Variants in MICAL2 observed in about 807,000 individuals in gnomAD.
The protein encoded by MICAL2 is [F-actin]-monooxygenase MICAL2.
In MICAL2, 77 loss-of-function variants were observed where a neutral mutation model predicts 127.3. That is an observed-to-expected ratio of 0.60 (90% CI 0.50 to 0.73). The LOEUF is 0.73. MICAL2 is among the 30% of genes least tolerant of loss of function. MICAL2 has a pLI of 0.00. For synonymous variants in MICAL2, 570 were observed against 551.1 expected, an observed-to-expected ratio of 1.03 and a Z score of -0.48; for missense variants, 1,351 against 1,434.4, an observed-to-expected ratio of 0.94 and a Z score of 0.94.
At chr11:12,165,691 T>C (rs892669595) in intron 3 of MICAL2, among the ~76,000 whole-genome samples, 2 of 152,252 alleles carry the variant, frequency 1.3e-5, no homozygotes, top group African/African-American at 4.8e-5. Flanking sequence ...ACCATGCTCC[T>C]GCCTCCGTGC....
chr11:12,180,349 A>ATATATATATTTTT (rs11403732), intron 3 of MICAL2, among the ~76,000 whole-genome samples: 10 of 139,712 alleles, frequency 7.2e-5, no homozygotes, highest in African/African-American at 2.7e-4. Context: ...ATATGTATAT[A>ATATATATATTTTT]TTTTTTTTTT....
intron 3 of MICAL2, among the ~76,000 whole-genome samples, chr11:12,185,174 T>G (rs1435001434): frequency 2.2e-4 from 3 of 13,732 alleles, no homozygotes; most frequent in Admixed American, 9.0e-4. Context: ...AATGGGTGGG[T>G]GGCTGGATGG....
At chr11:12,180,351 T>TATATATATATATATATATATATATA (rs1565108124) in intron 3 of MICAL2, among the ~76,000 whole-genome samples, 1 of 92,680 alleles carries the variant, frequency 1.1e-5, no homozygotes, top group African/African-American at 4.8e-5. Flanking sequence ...ATGTATATAT[T>TATATATATATATATATATATATATA]TTTTTTTTGG....
chr11:12,133,968 G>A (rs958853279), intron 1 of MICAL2, among the ~76,000 whole-genome samples: 3 of 152,248 alleles, frequency 2.0e-5, no homozygotes, highest in African/African-American at 7.2e-5. Context: ...GGCTGTGTGA[G>A]GAAAAGACCC....
chr11:12,222,632 G>T lies in MICAL2; in HGVS notation c.1338G>T (p.Arg446=). 8 of 1,614,210 alleles carry T rather than the reference G, an allele frequency of 5.0e-6. No individual in the cohort carries two copies. The highest frequency in any genetic ancestry group is 6.8e-6 in the Non-Finnish European group (8 of 1,180,050). Reference sequence around the variant, plus strand: ...CTCCCTCCAGGGAAAGTCTCTACCGGCTGTTACCTCAGACAACCCCGGAGA... The same window carrying T: ...CTCCCTCCAGGGAAAGTCTCTACCGTCTGTTACCTCAGACAACCCCGGAGA... ...ELLAERESLY[R]LLPQTTPENI... The change falls in exon 11 of 28, where the codon CGG becomes CGT. Residue 446 remains arginine (R), a synonymous_variant. Transcript: ENST00000683283.
chr11:12,284,753 G>A (rs1307111695), intron 2 of MICAL2, among the ~76,000 whole-genome samples: 1 of 152,156 alleles, frequency 6.6e-6, no homozygotes. Flanking sequence ...CAATTGGGGG[G>A]TGGGCTATTC....
downstream of MICAL2, chr11:12,294,439 T>TA (rs776744462): frequency 1.2e-6 from 2 of 1,614,200 alleles, no homozygotes; most frequent in South Asian, 2.2e-5. Context: ...CCTCAGCCTT[T>TA]AGCCCTCCTG....
chr11:12,262,482 C>T lies in MICAL2; in HGVS notation c.3337C>T (p.His1113Tyr). ...CAATCTTACGCCATGGCCATCAGTT[C>T]ATTTCAGCCTTCCAGTGCTACACCC... ...IGTLEGSPPVHFSLPVLHPLL... is the reference protein window; with the variant it reads ...IGTLEGSPPVYFSLPVLHPLL... Residue 1113 changes from histidine (H) to tyrosine (Y), a missense_variant and splice_region_variant, in exon 27 of 28, where the codon CAT becomes TAT. His to Tyr is a moderately conservative substitution (Grantham distance 83). This residue lies in a region of MICAL2 where 752 missense variants were observed against 719.4 expected (regional missense o/e 1.05). Coordinates refer to ENST00000683283, the MANE Select transcript of MICAL2 (RefSeq NM_001282663.2). The T allele has an allele frequency of 6.2e-7, 1 of 1,613,912 alleles. No homozygotes were observed. The highest frequency in any genetic ancestry group is 8.5e-7 in the Non-Finnish European group (1 of 1,180,012).
At chr11:12,204,222 G>T (rs1329200757) in intron 3 of MICAL2, 28 bp from the exon 4 acceptor site, 2 of 1,606,324 alleles carry the variant, frequency 1.2e-6, no homozygotes, top group Non-Finnish European at 1.7e-6. Flanking sequence ...AGGTTACCAA[G>T]AGTCTCTCTC....
chr11:12,313,727 T>C lies in MICAL2; in HGVS notation c.5213-5969T>C, dbSNP rs561625233. 2.1e-4 allele frequency among the ~76,000 whole-genome samples: 32 copies of C among 152,210 alleles called. No homozygotes were observed. In the South Asian group the frequency reaches 6.6e-3, roughly 32 times the overall value. ...TCCTTGCTGATTTTTTTTTATTTTG[T>C]CTGGTTTTTCTGTCACTTGCTAAGA... is the stretch of plus-strand genomic sequence containing the variant. On this transcript the variant is annotated intron_variant, in intron 29 of 34. Coordinates refer to the MICAL2 transcript ENST00000646065.
At chr11:12,162,528 T>C in intron 3 of MICAL2, 109 bp downstream of exon 3, 1 of 1,321,460 alleles carries the variant, frequency 7.6e-7, no homozygotes, top group South Asian at 1.5e-5. Flanking sequence ...GGTGTGGGTG[T>C]GAATGTTGCA....
At chr11:12,115,146 G>A (rs1849902278) in intron 1 of MICAL2, among the ~76,000 whole-genome samples, 2 of 152,204 alleles carry the variant, frequency 1.3e-5, no homozygotes, top group Non-Finnish European at 2.9e-5. Context: ...TCCACAACTG[G>A]GGCAGGTCGT....
intron 32 of MICAL2, among the ~76,000 whole-genome samples, chr11:12,336,968 A>G (rs1938775303): frequency 6.6e-6 from 1 of 152,192 alleles, no homozygotes; most frequent in East Asian, 1.9e-4. Flanking sequence ...CTGGCCTCAT[A>G]AAATGAGTTA....
upstream of MICAL2, among the ~76,000 whole-genome samples, chr11:12,272,893 T>A: frequency 6.6e-6 from 1 of 152,164 alleles, no homozygotes; most frequent in African/African-American, 2.4e-5. Flanking sequence ...AAGCCTCTGC[T>A]CACGTCCCAT....
At chr11:12,186,360 T>G (rs1021096378) in intron 3 of MICAL2, among the ~76,000 whole-genome samples, 4 of 152,128 alleles carry the variant, frequency 2.6e-5, no homozygotes, top group African/African-American at 4.8e-5. Context: ...TCCATAAACT[T>G]GTGTAGAGGA....
intron 2 of MICAL2, among the ~76,000 whole-genome samples, chr11:12,286,076 C>G (rs1040424856): frequency 1.4e-4 from 22 of 152,338 alleles, no homozygotes; most frequent in Admixed American, 7.8e-4. Context: ...CCCTAAGTGA[C>G]CAAGACCTGT....
chr11:12,260,635 G>A (rs7109053), intron 26 of MICAL2: 1 of 986,748 alleles, frequency 1.0e-6, no homozygotes, highest in Non-Finnish European at 1.2e-6. Context: ...TTTTGACTTA[G>A]GTACCCAGAT....
At chr11:12,267,215 G>T (rs561011928), downstream of MICAL2, among the ~76,000 whole-genome samples, 3 of 149,666 alleles carry the variant, frequency 2.0e-5, no homozygotes, top group Admixed American at 6.6e-5. Context: ...TCAGCAAGGA[G>T]GGGGCATAGG....
At chr11:12,136,301 G>A (rs187099373) in intron 1 of MICAL2, among the ~76,000 whole-genome samples, 13 of 152,248 alleles carry the variant, frequency 8.5e-5, no homozygotes, top group African/African-American at 2.9e-4. Flanking sequence ...CAGCTCCATC[G>A]GGAGTCCCAG....
Sources: gnomAD v4.1 joint callset for allele counts (sites outside exome capture counted in the v4.1 genomes callset) on GRCh38, gnomAD v4.1.1 for gene constraint, gnomAD v4.1.1 regional missense constraint, MANE v1.5 for transcripts, NCBI Gene and HGNC (gene_info 2026-07-23, HGNC 2026-07-21) for gene names.